The following POU2F2 variants were observed in gnomAD, a reference collection of about 807,000 sequenced individuals.
POU2F2 encodes the protein POU class 2 homeobox 2, also known as POU domain, class 2, transcription factor 2.
A neutral mutation model predicts 63.5 loss-of-function variants in POU2F2; 14 were observed. The ratio of observed to expected loss-of-function variants is 0.22; its 90% CI spans 0.15 to 0.34. POU2F2 has a LOEUF of 0.34. Among genes scored for constraint, POU2F2 ranks in the 10% least tolerant of loss-of-function variants. The pLI is 1.00. For missense variants in POU2F2, 607 were observed against 815.2 expected (o/e 0.74, Z 3.11); for synonymous variants, 306 against 348.6 (o/e 0.88, Z 1.36).
At chr19:42,160,595 G>A (rs1352357799) in intron 1 of POU2F2, among the ~76,000 whole-genome samples, 1 of 152,178 alleles carries the variant, frequency 6.6e-6, no homozygotes, top group African/African-American at 2.4e-5. Flanking sequence ...CTGAGCCTCT[G>A]TGTCCCCAAC....
At chr19:42,137,699 C>G (rs2034045180) in intron 2 of POU2F2, among the ~76,000 whole-genome samples, 1 of 152,116 alleles carries the variant, frequency 6.6e-6, no homozygotes, top group South Asian at 2.1e-4. Flanking sequence ...GCCTGGGTGA[C>G]AGAGAGAGAC....
chr19:42,101,486 C>T (rs1164290277), intron 5 of POU2F2, among the ~76,000 whole-genome samples: 4 of 152,118 alleles, frequency 2.6e-5, no homozygotes, highest in East Asian at 1.9e-4. Flanking sequence ...AAGACAGCCA[C>T]GTGCAAGCCA....
At chr19:42,118,644 G>A (rs1450836727) in intron 4 of POU2F2, among the ~76,000 whole-genome samples, 1 of 152,210 alleles carries the variant, frequency 6.6e-6, no homozygotes, top group Non-Finnish European at 1.5e-5. Flanking sequence ...GACCAGCATA[G>A]AGCCACCCTG....
At chr19:42,191,212 G>A (rs1030663335) in intron 1 of POU2F2, among the ~76,000 whole-genome samples, 4 of 151,958 alleles carry the variant, frequency 2.6e-5, no homozygotes, top group African/African-American at 4.8e-5. Context: ...ACCCCCCCTT[G>A]CTCTCTGACT....
At chr19:42,123,533 G>A (rs1293039429) in intron 1 of POU2F2, among the ~76,000 whole-genome samples, 6 of 152,046 alleles carry the variant, frequency 3.9e-5, no homozygotes, top group Non-Finnish European at 7.4e-5. Context: ...ATATTACCCC[G>A]TTTTACAGAG....
chr19:42,155,308 G>A lies in POU2F2; in HGVS notation c.-9+5024C>T, dbSNP rs1298215083. On this transcript the variant is annotated intron_variant, in intron 2 of 6. Coordinates refer to the POU2F2 transcript ENST00000524801. The surrounding 1 kb of genome is among the most constrained non-coding windows in gnomAD (Gnocchi z 4.2). ...CTGCTTTCCTGCCTCTGACTTTTCTGCTGTTTCCTCTTCCTCTTTGCTCCT... is the reference window on the plus strand; with the variant it reads ...CTGCTTTCCTGCCTCTGACTTTTCTACTGTTTCCTCTTCCTCTTTGCTCCT... Among the ~76,000 whole-genome samples, 1 of 152,148 alleles carries A rather than the reference G, an allele frequency of 6.6e-6. No individual in the cohort carries two copies.
chr19:42,171,852 C>A (rs768670722), intron 1 of POU2F2, among the ~76,000 whole-genome samples: 22 of 151,980 alleles, frequency 1.4e-4, no homozygotes, highest in Non-Finnish European at 2.6e-4. Flanking sequence ...TGAATGGATG[C>A]CAGAATAAAG....
At chr19:42,159,576 C>T (rs752125757) in intron 2 of POU2F2, among the ~76,000 whole-genome samples, 1 of 152,170 alleles carries the variant, frequency 6.6e-6, no homozygotes, top group Non-Finnish European at 1.5e-5. Context: ...GCCAGGGCCT[C>T]ACCAAGCAAG....
At chr19:42,116,103 A>G (rs1402156977) in intron 5 of POU2F2, among the ~76,000 whole-genome samples, 1 of 152,182 alleles carries the variant, frequency 6.6e-6, no homozygotes, top group Non-Finnish European at 1.5e-5. Context: ...GGTTGGAGAC[A>G]ATATGTTTCT....
chr19:42,122,630 T>C (rs761720781), intron 1 of POU2F2, 54 bp from the exon 2 acceptor site: 23 of 1,434,550 alleles, frequency 1.6e-5, no homozygotes, highest in Non-Finnish European at 2.2e-5. Flanking sequence ...CCAGGAGGGC[T>C]CTCGGGCCCC....
chr19:42,129,733 A>G (rs2033536985), intron 1 of POU2F2, among the ~76,000 whole-genome samples: 1 of 152,046 alleles, frequency 6.6e-6, no homozygotes, highest in Admixed American at 6.6e-5. Context: ...CCCCAGAAGC[A>G]GCACCTCACC....
In POU2F2 at chr19:42,092,296, G is replaced by A; in HGVS notation, c.1265-26C>T. ...CTGCCAGAGAGAGACAGAAAGATGG[G>A]GTCTTCAGCTTCCACTCGTCCCCCA... On this transcript the variant is annotated intron_variant, in intron 12 of 14. Coordinates refer to ENST00000692977, the MANE Select transcript of POU2F2 (RefSeq NM_001394376.1). This position sits in a 1 kb window ranked among gnomAD's most constrained non-coding sequence, Gnocchi z 5.0. The A allele has an allele frequency of 2.6e-6, 4 of 1,510,544 alleles. No homozygotes were observed. Among genetic ancestry groups the A allele is most frequent in the Non-Finnish European group, 2.7e-6 (3 of 1,110,520 alleles). 93.6% of individuals were successfully genotyped at this position (1,510,544 alleles called of 1,614,324 possible).
chr19:42,167,464 A>C (rs1487776637), intron 1 of POU2F2, among the ~76,000 whole-genome samples: 1 of 137,944 alleles, frequency 7.2e-6, no homozygotes, highest in Non-Finnish European at 1.6e-5. Flanking sequence ...CCCAAACTCC[A>C]AAAAAAAAAA....
At position 42,155,411 on chromosome 19, in the gene POU2F2, A is replaced by T. The variant is rs2034439481; in HGVS notation, c.-9+4921T>A. 6.6e-6 allele frequency among the ~76,000 whole-genome samples: 1 copy of T among 151,824 alleles called. No individual in the cohort carries two copies. Among genetic ancestry groups the T allele is most frequent in the African/African-American group, 2.4e-5 (1 of 41,284 alleles). ...TGGGTCTCCCTCTCCCTCCACTCCCATCTGGTGTATTCTGGATTCCCCTTT... is the reference window on the plus strand; with the variant it reads ...TGGGTCTCCCTCTCCCTCCACTCCCTTCTGGTGTATTCTGGATTCCCCTTT... On this transcript the variant is annotated intron_variant, in intron 2 of 6. Transcript: ENST00000524801. This position sits in a 1 kb window ranked among gnomAD's most constrained non-coding sequence, Gnocchi z 4.2.
upstream of POU2F2, among the ~76,000 whole-genome samples, chr19:42,137,476 C>A (rs1337821622): frequency 6.6e-6 from 1 of 152,168 alleles, no homozygotes; most frequent in Non-Finnish European, 1.5e-5. Flanking sequence ...AATCCTGGCG[C>A]TTTGAGAGGC....
At position 42,095,430 on chromosome 19, in the gene POU2F2, C is replaced by T; in HGVS notation, c.1053G>A (p.Leu351=). The T allele has an allele frequency of 6.2e-7, 1 of 1,613,592 alleles. No homozygotes were observed. The highest frequency in any genetic ancestry group is 1.3e-5 in the African/African-American group (1 of 75,042). Residue 351 remains leucine (L), a synonymous_variant, in exon 11 of 15, where the codon CTG becomes CTA. Transcript: ENST00000692977. This position sits in a 1 kb window ranked among gnomAD's most constrained non-coding sequence, Gnocchi z 7.1. ...TCTCCATGTGCAGCTGCTCGGCGAT[C>T]AGCAGGATCTCCTCTGAGGTAGGCT... The part of the protein sequence containing the change: ...NQKPTSEEIL[L]IAEQLHMEKE...
At chr19:42,166,222 G>A (rs542805359) in intron 1 of POU2F2, among the ~76,000 whole-genome samples, 1 of 152,238 alleles carries the variant, frequency 6.6e-6, no homozygotes, top group Admixed American at 6.5e-5. Flanking sequence ...TGCACACACT[G>A]GAATAGTAAG....
At chr19:42,145,327 C>T (rs1238642720) in intron 2 of POU2F2, among the ~76,000 whole-genome samples, 1 of 152,196 alleles carries the variant, frequency 6.6e-6, no homozygotes. Context: ...ACTGCTGAGT[C>T]CTAGCTGTGC....
chr19:42,190,284 T>C (rs997702352), intron 1 of POU2F2, among the ~76,000 whole-genome samples: 2 of 151,984 alleles, frequency 1.3e-5, no homozygotes, highest in African/African-American at 4.8e-5. Flanking sequence ...TCTTTATATA[T>C]ATATGTGTGT....
Sources: gnomAD v4.1 joint callset for allele counts (sites outside exome capture counted in the v4.1 genomes callset) on GRCh38, gnomAD v4.1.1 for gene constraint, Gnocchi (gnomAD v3.1) non-coding constraint, MANE v1.5 for transcripts, NCBI Gene and HGNC (gene_info 2026-07-23, HGNC 2026-07-21) for gene names.